Variants in FILIP1 observed in about 807,000 individuals in gnomAD.
The protein encoded by FILIP1 is filamin-A-interacting protein 1.
FILIP1 carries 61 observed loss-of-function variants against 102.1 expected under a neutral mutation model. That is an observed-to-expected ratio of 0.60 (90% CI 0.49 to 0.74). FILIP1 has a LOEUF of 0.74. Among genes scored for constraint, FILIP1 ranks in the 30% least tolerant of loss-of-function variants. The probability of loss-of-function intolerance (pLI) is 0.00; values close to 1 mark genes in which losing one functional copy is unlikely to be tolerated. For synonymous variants in FILIP1, 491 were observed against 526.9 expected, an observed-to-expected ratio of 0.93 and a Z score of 0.93; for missense variants, 1,314 against 1,441.2, an observed-to-expected ratio of 0.91 and a Z score of 1.43.
intron 2 of FILIP1, among the ~76,000 whole-genome samples, chr6:75,397,644 C>A (rs1776513576): frequency 6.6e-6 from 1 of 151,326 alleles, no homozygotes; most frequent in African/African-American, 2.4e-5. Context: ...CATCTCAGGG[C>A]AGACCCATTT....
chr6:75,301,332 TGTA>T (rs1772829794), intron 6 of FILIP1, among the ~76,000 whole-genome samples: 1 of 152,332 alleles, frequency 6.6e-6, no homozygotes, highest in Admixed American at 6.5e-5. Context: ...TTTACTCACT[TGTA>T]GTAGTTTCAT....
chr6:75,426,763 C>T (rs1264434864), intron 1 of FILIP1, among the ~76,000 whole-genome samples: 2 of 49,584 alleles, frequency 4.0e-5, no homozygotes, highest in Admixed American at 2.9e-4. Flanking sequence ...AGCTGAGAGA[C>T]GACAACAGAG....
Position 75,314,441 on chromosome 6 carries a change from T to C in FILIP1, c.1391A>G (p.Lys464Arg). 1 of 1,575,014 alleles carries C rather than the reference T, an allele frequency of 6.3e-7. No homozygotes were observed. Among genetic ancestry groups the C allele is most frequent in the South Asian group, 1.2e-5 (1 of 82,790 alleles). The change falls in exon 5 of 6, where the codon AAA (lysine) becomes AGA (arginine). Residue 464 changes from lysine (K) to arginine (R), a missense_variant. Coordinates refer to ENST00000237172, the MANE Select transcript of FILIP1 (RefSeq NM_015687.5). ...LNLEKEKNLT[K>R]DLLNELEVVK... ...CACCTCCAATTCATTTAGCAGGTCT[T>C]TGGTTAAGTTCTTTTCTTTCTCCAG...
chr6:75,486,524 CAT>C (rs1389472848), intron 1 of FILIP1, among the ~76,000 whole-genome samples: 1 of 152,136 alleles, frequency 6.6e-6, no homozygotes, highest in Non-Finnish European at 1.5e-5. Flanking sequence ...TCACATTCTA[CAT>C]GTTTCAGTAA....
chr6:75,401,528 A>G (rs1013574064), intron 2 of FILIP1, among the ~76,000 whole-genome samples: 1 of 152,212 alleles, frequency 6.6e-6, no homozygotes, highest in Non-Finnish European at 1.5e-5. Context: ...ACGAGCCACA[A>G]GTGGCGACTT....
intron 3 of FILIP1, among the ~76,000 whole-genome samples, chr6:75,356,649 A>G (rs1203186340): frequency 3.3e-5 from 5 of 151,976 alleles, no homozygotes; most frequent in Non-Finnish European, 5.9e-5. Flanking sequence ...TTGTATTTTT[A>G]GTAGAGACGG....
chr6:75,319,799 C>T, intron 4 of FILIP1: 1 of 329,006 alleles, frequency 3.0e-6, no homozygotes, highest in Non-Finnish European at 5.6e-6. Context: ...CACTGCACTC[C>T]AGCCTGGGCA....
At chr6:75,357,575 A>C (rs1419235068) in intron 3 of FILIP1, among the ~76,000 whole-genome samples, 4 of 152,236 alleles carry the variant, frequency 2.6e-5, no homozygotes, top group African/African-American at 9.6e-5. Context: ...TTAATGCATA[A>C]GTTACTGAGG....
chr6:75,476,947 G>C lies in FILIP1; in HGVS notation c.-7+16467C>G, dbSNP rs1200513502. ...ATACAACAATATGGAAGAAATGTTA[G>C]GTCCTTCCTCCAAGGTGGATATTTC... is the stretch of plus-strand genomic sequence containing the variant. On this transcript the variant is annotated intron_variant, in intron 1 of 5. Coordinates refer to ENST00000237172, the MANE Select transcript of FILIP1 (RefSeq NM_015687.5). Among the ~76,000 whole-genome samples, 3 of 152,148 alleles carry C rather than the reference G, an allele frequency of 2.0e-5. No individual in the cohort carries two copies. The East Asian group carries it at 5.8e-4, about 29-fold the overall frequency.
In FILIP1 at chr6:75,362,879, T is replaced by G. The variant is rs1775215962; in HGVS notation, c.315A>C (p.Lys105Asn). 1 of 1,613,940 alleles carries G rather than the reference T, an allele frequency of 6.2e-7. No individual in the cohort carries two copies. The highest frequency in any genetic ancestry group is 1.1e-5 in the South Asian group (1 of 91,068). ...EDVIHMLKTE[K>N]TKPEVLEAHY... is the part of the protein sequence containing the mutation. The stretch of plus-strand genomic sequence containing the variant: ...GAGCCTCCAGAACCTCAGGCTTGGT[T>G]TTCTCTGTCTTCAGCATGTGGATCA... Residue 105 changes from lysine to asparagine, a missense_variant, in exon 3 of 6, where the codon AAA becomes AAC. This residue lies in a region of FILIP1 where 494 missense variants were observed against 511.2 expected (regional missense o/e 0.97). Coordinates refer to ENST00000237172, the MANE Select transcript of FILIP1 (RefSeq NM_015687.5).
At chr6:75,328,020 A>G (rs921465403) in intron 4 of FILIP1, among the ~76,000 whole-genome samples, 8 of 152,196 alleles carry the variant, frequency 5.3e-5, no homozygotes, top group African/African-American at 1.9e-4. Flanking sequence ...AATCAGAAAA[A>G]TCCAAAATGT....
At chr6:75,470,910 C>T (rs553056053) in intron 1 of FILIP1, among the ~76,000 whole-genome samples, 5 of 152,090 alleles carry the variant, frequency 3.3e-5, no homozygotes, top group South Asian at 4.2e-4. Flanking sequence ...TCTGTAATCT[C>T]GGCACTTTGG....
At chr6:75,320,326 G>A (rs914584024) in intron 4 of FILIP1, among the ~76,000 whole-genome samples, 28 of 152,198 alleles carry the variant, frequency 1.8e-4, no homozygotes, top group Non-Finnish European at 3.8e-4. Flanking sequence ...GGAGGCCGAG[G>A]CAGGCAAATC....
At chr6:75,468,361 T>TACAGCC (rs1225853123) in intron 1 of FILIP1, among the ~76,000 whole-genome samples, 1 of 152,214 alleles carries the variant, frequency 6.6e-6, no homozygotes, top group Non-Finnish European at 1.5e-5. Context: ...AGCCAGTAAT[T>TACAGCC]AATAATGTCA....
intron 1 of FILIP1, among the ~76,000 whole-genome samples, chr6:75,441,259 A>C (rs1045712560): frequency 1.3e-5 from 2 of 152,040 alleles, no homozygotes; most frequent in African/African-American, 4.8e-5. Context: ...TTTAACCCTG[A>C]GTGGACACAG....
chr6:75,421,437 GTA>G (rs917754882), intron 1 of FILIP1, among the ~76,000 whole-genome samples: 33 of 152,274 alleles, frequency 2.2e-4, no homozygotes, highest in East Asian at 1.3e-3. Flanking sequence ...TTAAGTCATG[GTA>G]TATGTTTAGG....
intron 4 of FILIP1, among the ~76,000 whole-genome samples, chr6:75,326,312 C>T (rs533328492): frequency 6.6e-6 from 1 of 152,140 alleles, no homozygotes; most frequent in Non-Finnish European, 1.5e-5. Context: ...GACGCAAAGG[C>T]ATAAGAATGA....
chr6:75,439,454 A>G (rs1582507765), intron 1 of FILIP1, among the ~76,000 whole-genome samples: 1 of 152,360 alleles, frequency 6.6e-6, no homozygotes, highest in East Asian at 1.9e-4. Flanking sequence ...TGAGAATAGA[A>G]CAAAAGTTAC....
chr6:75,437,613 T>C (rs896838002), intron 1 of FILIP1, among the ~76,000 whole-genome samples: 2 of 152,174 alleles, frequency 1.3e-5, no homozygotes, highest in Non-Finnish European at 2.9e-5. Flanking sequence ...AAAAAGATGA[T>C]GTCAAAGATA....
Sources: gnomAD v4.1 joint callset for allele counts (sites outside exome capture counted in the v4.1 genomes callset) on GRCh38, gnomAD v4.1.1 for gene constraint, gnomAD v4.1.1 regional missense constraint, MANE v1.5 for transcripts, NCBI Gene and HGNC (gene_info 2026-07-23, HGNC 2026-07-21) for gene names.